The following NSUN5 variants were observed in gnomAD, a reference collection of about 807,000 sequenced individuals.
NSUN5 encodes the protein 28S rRNA (cytosine-C(5))-methyltransferase.
NSUN5 carries 39 observed loss-of-function variants against 51.1 expected under a neutral mutation model. That is an observed-to-expected ratio of 0.76 (90% CI 0.59 to 1.00). NSUN5 has a LOEUF of 1.00. NSUN5 is among the 50% of genes least tolerant of loss of function. The pLI is 0.00. For synonymous variants in NSUN5, 266 were observed against 271.5 expected (o/e 0.98, Z 0.20); for missense variants, 526 against 614.0 (o/e 0.86, Z 1.51).
At chr7:73,304,934 T>A (rs782089023) in intron 5 of NSUN5, 25 bp downstream of exon 5, 2 of 1,612,290 alleles carry the variant, frequency 1.2e-6, no homozygotes, top group East Asian at 4.5e-5. Context: ...TACACATTCT[T>A]CCCTTTTCTA....
At chr7:73,307,558 C>CCCCCCCCCA in intron 3 of NSUN5, 25 bp downstream of exon 3, 1 of 1,602,958 alleles carries the variant, frequency 6.2e-7, no homozygotes, top group African/African-American at 1.4e-5. Context: ...CCGCCTCCCC[C>CCCCCCCCCA]ACCCCCCAAC....
In NSUN5 at chr7:73,308,474, C is replaced by T; in HGVS notation, c.173G>A (p.Gly58Asp). ...CAGCTTCTTCTCCGCACGGAGGAGGCCGGCGCTGGCGATCACAGCATCCAG... is the reference window on the plus strand; with the variant it reads ...CAGCTTCTTCTCCGCACGGAGGAGGTCGGCGCTGGCGATCACAGCATCCAG... Reference protein sequence around the residue: ...AVLDAVIASAGLLRAEKKLRP... With the variant: ...AVLDAVIASADLLRAEKKLRP... The change falls in exon 2 of 10, where the codon GGC becomes GAC. Residue 58 changes from glycine to aspartate, a missense_variant. Coordinates refer to ENST00000438747, the MANE Select transcript of NSUN5 (RefSeq NM_148956.4). 3 of 1,607,954 alleles carry T rather than the reference C, an allele frequency of 1.9e-6. No individual in the cohort carries two copies. Among genetic ancestry groups the T allele is most frequent in the Non-Finnish European group, 1.7e-6 (2 of 1,176,682 alleles).
In NSUN5 at chr7:73,303,263, C is replaced by CACTTTGCTCACCAGCAAG; in HGVS notation, c.*134_*151dup. On this transcript the variant is annotated 3_prime_UTR_variant, in exon 10 of 10. Transcript: ENST00000438747. ...TTCTGCATTTTATTTTTGCAGGCAA[C>CACTTTGCTCACCAGCAAG]ACTTTGCTCACCAGCAAGAACACAG... 1.2e-6 allele frequency: 2 copies of CACTTTGCTCACCAGCAAG among 1,604,150 alleles called. No individual in the cohort carries two copies. The highest frequency in any genetic ancestry group is 1.7e-6 in the Non-Finnish European group (2 of 1,173,500).
rs1212758209 is a variant in NSUN5, at chr7:73,304,824, T to C, written c.678A>G (p.Pro226=). The change falls in exon 6 of 10, where the codon CCA becomes CCG. Residue 226 remains proline (P), a synonymous_variant. Coordinates refer to ENST00000438747, the MANE Select transcript of NSUN5 (RefSeq NM_148956.4). The stretch of plus-strand genomic sequence containing the variant: ...CACAGGCATCGATGACATGGGAGCC[T>C]GGCGGGGGGTCCAGCAGCATGGCTG... The part of the protein sequence containing the change: ...CLPAMLLDPP[P]GSHVIDACAA... The C allele has an allele frequency of 2.5e-6, 4 of 1,613,754 alleles. No individual in the cohort carries two copies. In the African/African-American group the frequency reaches 5.3e-5, roughly 22 times the overall value.
chr7:73,305,132 T>C, intron 4 of NSUN5, 35 bp from the exon 5 acceptor site: 1 of 1,607,880 alleles, frequency 6.2e-7, no homozygotes, highest in Non-Finnish European at 8.5e-7. Context: ...ATTTCCTGAA[T>C]TTCTCCCTGC....
rs781959170 is a variant in NSUN5, at chr7:73,304,822, C to A, written c.680G>T (p.Gly227Val). 1.9e-6 allele frequency: 3 copies of A among 1,613,912 alleles called. No homozygotes were observed. In the South Asian group the frequency reaches 3.3e-5, roughly 18 times the overall value. Residue 227 changes from glycine to valine, a missense_variant, in exon 6 of 10, where the codon GGC becomes GTC. Coordinates refer to ENST00000438747, the MANE Select transcript of NSUN5 (RefSeq NM_148956.4). ...GGCACAGGCATCGATGACATGGGAG[C>A]CTGGCGGGGGGTCCAGCAGCATGGC... ...LPAMLLDPPP[G>V]SHVIDACAAP...
chr7:73,307,828 T>C, intron 2 of NSUN5, 71 bp from the exon 3 acceptor site: 1 of 1,354,188 alleles, frequency 7.4e-7, no homozygotes, highest in Non-Finnish European at 1.0e-6. Flanking sequence ...TAGAACTAAC[T>C]CTAATGGAGC....
Position 73,303,687 on chromosome 7 carries a change from C to T in NSUN5, c.1199G>A (p.Gly400Asp). 5.0e-6 allele frequency: 8 copies of T among 1,614,186 alleles called. No individual in the cohort carries two copies. The highest frequency in any genetic ancestry group is 6.8e-6 in the Non-Finnish European group (8 of 1,180,036). The change falls in exon 9 of 10, where the codon GGT becomes GAT. Residue 400 changes from glycine to aspartate, a missense_variant. By Grantham distance (94) the Gly-to-Asp change is moderately conservative. Transcript: ENST00000438747. ...WPHRGLSTFP[G>D]AEHCLRASPE... ...GGAGGCCCGGAGGCAGTGCTCGGCA[C>T]CCGGGAACGTGCTCAGGCCTCGGTG...
At chr7:73,304,082 A>T (rs782289400) in intron 7 of NSUN5, 46 bp from the exon 8 acceptor site, 2 of 1,599,700 alleles carry the variant, frequency 1.3e-6, no homozygotes, top group Admixed American at 3.4e-5. Flanking sequence ...AGGCTACCTC[A>T]GTCCTGAAAT....
At position 73,307,688 on chromosome 7, in the gene NSUN5, C is replaced by G. The variant is rs1554542108; in HGVS notation, c.286G>C (p.Gly96Arg). ...GCCTTGAGCCTCGCCTGGTGCCGGC[C>G]CAACAGAGCCTTCCATCGGCCCCCA... ...GGGGRWKALLGRHQARLKAEL... is the reference protein window; with the variant it reads ...GGGGRWKALLRRHQARLKAEL... The change falls in exon 3 of 10, where the codon GGC becomes CGC. Residue 96 changes from glycine to arginine, a missense_variant. Transcript: ENST00000438747. The G allele has an allele frequency of 6.2e-7, 1 of 1,610,974 alleles. No homozygotes were observed.
intron 2 of NSUN5, 165 bp from the exon 3 acceptor site, chr7:73,307,922 A>C: frequency 1.5e-6 from 1 of 677,688 alleles, no homozygotes; most frequent in South Asian, 2.0e-5. Flanking sequence ...AATTAACTAC[A>C]GAACAGGATC....
At chr7:73,307,553 T>TG in intron 3 of NSUN5, 30 bp downstream of exon 3, 12 of 732,064 alleles carry the variant, frequency 1.6e-5, no homozygotes, top group African/African-American at 2.4e-5. Context: ...GTTCCCCGCC[T>TG]CCCCCACCCC....
chr7:73,307,629 C>T lies in NSUN5; in HGVS notation c.345G>A (p.Val115=), dbSNP rs1221453560. The change falls in exon 3 of 10, where the codon GTG becomes GTA. Residue 115 remains valine, a synonymous_variant. Coordinates refer to ENST00000438747, the MANE Select transcript of NSUN5 (RefSeq NM_148956.4). The part of the protein sequence containing the change: ...ELARLKVHRG[V]SRNEDLLEVG... ...CTTCCAACAGGTCCTCATTCCGGCT[C>T]ACACCCCGATGAACCTTGAGCCGAG... 1 of 1,593,740 alleles carries T rather than the reference C, an allele frequency of 6.3e-7. No individual in the cohort carries two copies. The highest frequency in any genetic ancestry group is 8.6e-7 in the Non-Finnish European group (1 of 1,168,944).
chr7:73,306,683 C>A (rs1804053815), intron 4 of NSUN5, among the ~76,000 whole-genome samples: 1 of 152,120 alleles, frequency 6.6e-6, no homozygotes, highest in South Asian at 2.1e-4. Context: ...AGTTTCAGAC[C>A]AGCATGGCCA....
intron 7 of NSUN5, 78 bp from the exon 8 acceptor site, chr7:73,304,114 T>A: frequency 3.2e-6 from 5 of 1,575,264 alleles, no homozygotes; most frequent in Non-Finnish European, 4.3e-6. Flanking sequence ...AGAGGAGAAC[T>A]TTTGTCCCAG....
chr7:73,307,880 A>G, intron 2 of NSUN5, 123 bp from the exon 3 acceptor site: 1 of 873,838 alleles, frequency 1.1e-6, no homozygotes. Context: ...GACAAGATAC[A>G]GGTGGGATAC....
At chr7:73,307,317 C>T (rs1203951529) in intron 4 of NSUN5, 77 bp downstream of exon 4, 20 of 1,078,730 alleles carry the variant, frequency 1.9e-5, no homozygotes, top group Non-Finnish European at 2.8e-5. Flanking sequence ...AGCAAAGTCA[C>T]AACTATCCAG....
chr7:73,305,449 T>C (rs1586461251), intron 4 of NSUN5, among the ~76,000 whole-genome samples: 1 of 151,608 alleles, frequency 6.6e-6, no homozygotes, highest in Non-Finnish European at 1.5e-5. Context: ...AGCATAACCT[T>C]GGAAAAAGTT....
Position 73,303,469 on chromosome 7 carries a change from T to C in NSUN5, c.1347A>G (p.Arg449=). Residue 449 remains arginine, a synonymous_variant, in exon 10 of 10, where the codon AGA becomes AGG. Transcript: ENST00000438747. The part of the protein sequence containing the change: ...PERTPSPAPK[R]KKRQQRAAAG... ...CTGCGGCTCTTTGCTGTCTCTTCTT[T>C]CTCTTTGGGGCTGGGCTGGGTGTGC... 3.1e-6 allele frequency: 5 copies of C among 1,614,150 alleles called. No individual in the cohort carries two copies. Among genetic ancestry groups the C allele is most frequent in the Non-Finnish European group, 4.2e-6 (5 of 1,180,028 alleles).
Sources: allele counts gnomAD v4.1 joint callset (sites outside exome capture counted in the v4.1 genomes callset), GRCh38; gene constraint gnomAD v4.1.1; transcripts MANE v1.5; gene names NCBI Gene and HGNC (gene_info 2026-07-23, HGNC 2026-07-21).